Variants in DOCK8 observed in about 807,000 individuals in gnomAD.
DOCK8 encodes dedicator of cytokinesis protein 8.
A neutral mutation model predicts 245.6 loss-of-function variants in DOCK8; 141 were observed. The observed-to-expected ratio is 0.57, with a 90% CI of 0.50 to 0.66. The LOEUF is 0.66. DOCK8 is among the 30% of genes least tolerant of loss of function. DOCK8 has a pLI of 0.00. For missense variants in DOCK8, 2,965 were observed against 2,603.4 expected, an observed-to-expected ratio of 1.14 and a Z score of -3.02; for synonymous variants, 1,168 against 970.2, an observed-to-expected ratio of 1.20 and a Z score of -3.79.
chr9:393,939 C>A (rs1313223616), intron 24 of DOCK8, among the ~76,000 whole-genome samples: 2 of 152,164 alleles, frequency 1.3e-5, no homozygotes, highest in African/African-American at 4.8e-5. Context: ...TGGCAGAAGC[C>A]TTTCTCTATG....
intron 35 of DOCK8, 53 bp downstream of exon 35, chr9:428,549 C>A: frequency 6.2e-7 from 1 of 1,605,800 alleles, no homozygotes; most frequent in South Asian, 1.1e-5. Flanking sequence ...AGATTCTCAT[C>A]TAGCTTCATA....
intron 6 of DOCK8, among the ~76,000 whole-genome samples, chr9:315,835 A>G (rs145700488): frequency 1.3e-5 from 2 of 152,248 alleles, no homozygotes; most frequent in South Asian, 2.1e-4. Flanking sequence ...AATCTAGACC[A>G]AAGGCAGTCC....
At chr9:227,897 C>T (rs549375452) in intron 1 of DOCK8, among the ~76,000 whole-genome samples, 2 of 151,962 alleles carry the variant, frequency 1.3e-5, no homozygotes, top group African/African-American at 2.4e-5. Flanking sequence ...CATGGCAGAC[C>T]GTTGTAGTAT....
In DOCK8 at chr9:379,856, T is replaced by G; in HGVS notation, c.2526T>G (p.His842Gln). The part of the protein sequence containing the change: ...HNSKDLSKDQ[H>Q]GRNCLLASYV... ...GCAAGGACCTGAGCAAGGACCAGCA[T>G]GGGAGGAACTGCCTGCTGGCTTCCT... The change falls in exon 21 of 48, where the codon CAT becomes CAG. Residue 842 changes from histidine to glutamine, a missense_variant. By Grantham distance (24) the His-to-Gln change is conservative (BLOSUM62 0). Coordinates refer to ENST00000432829, the MANE Select transcript of DOCK8 (RefSeq NM_203447.4). 1 of 1,614,232 alleles carries G rather than the reference T, an allele frequency of 6.2e-7. No individual in the cohort carries two copies. The highest frequency in any genetic ancestry group is 8.5e-7 in the Non-Finnish European group (1 of 1,180,036).
At chr9:436,443 C>G (rs2056905267) in intron 39 of DOCK8, among the ~76,000 whole-genome samples, 1 of 152,180 alleles carries the variant, frequency 6.6e-6, no homozygotes, top group Non-Finnish European at 1.5e-5. Context: ...TAGTACTACT[C>G]TTTCAATTCC....
intron 12 of DOCK8, among the ~76,000 whole-genome samples, chr9:337,451 A>G (rs1302189146): frequency 2.6e-5 from 4 of 151,962 alleles, no homozygotes; most frequent in African/African-American, 7.3e-5. Flanking sequence ...ATCTTGGCCA[A>G]TCCATTCATT....
At chr9:273,130 TTTCAGAAGGATAATTTGTGTG>T (rs2129967629) in intron 2 of DOCK8, 1 of 941,942 alleles carries the variant, frequency 1.1e-6, no homozygotes, top group Admixed American at 1.0e-4. Context: ...TTTCTGGTTA[TTTCAGAAGGATAATTTGTGTG>T]TTGCGTCATT....
At chr9:405,105 A>T (rs1006869740) in intron 27 of DOCK8, 32 bp downstream of exon 27, 2 of 1,589,282 alleles carry the variant, frequency 1.3e-6, no homozygotes, top group Non-Finnish European at 1.7e-6. Context: ...TAAAAGAATT[A>T]TTCAAGCTAT....
chr9:323,175 G>C (rs1403927153), intron 7 of DOCK8, among the ~76,000 whole-genome samples: 1 of 148,976 alleles, frequency 6.7e-6, no homozygotes, highest in Non-Finnish European at 1.5e-5. Flanking sequence ...CCTCAACACT[G>C]GGCTTTTCGG....
chr9:431,922 T>G (rs770816230), intron 36 of DOCK8, among the ~76,000 whole-genome samples: 3 of 152,196 alleles, frequency 2.0e-5, no homozygotes, highest in Admixed American at 1.3e-4. Context: ...AGCCCAGTCC[T>G]CAATGAAAAT....
At chr9:323,853 C>T (rs1290098781) in intron 7 of DOCK8, among the ~76,000 whole-genome samples, 1 of 152,168 alleles carries the variant, frequency 6.6e-6, no homozygotes, top group Non-Finnish European at 1.5e-5. Context: ...CCTTTTATGG[C>T]TAAATAATAT....
chr9:457,010 GC>G (rs2131930122), intron 46 of DOCK8: 1 of 152,294 alleles, frequency 6.6e-6, no homozygotes, highest in African/African-American at 2.4e-5. Context: ...CAGAAAACAG[GC>G]TGTTGAGTGG....
chr9:336,135 G>C (rs993982571), intron 11 of DOCK8, among the ~76,000 whole-genome samples: 4 of 152,208 alleles, frequency 2.6e-5, no homozygotes, highest in Non-Finnish European at 4.4e-5. Flanking sequence ...GGGATTCAGA[G>C]TGTACACAGG....
At chr9:224,188 A>T (rs1012713919) in intron 1 of DOCK8, among the ~76,000 whole-genome samples, 7 of 152,210 alleles carry the variant, frequency 4.6e-5, no homozygotes, top group African/African-American at 1.7e-4. Flanking sequence ...GTTCATTCTG[A>T]CAGTGTTTTT....
intron 6 of DOCK8, among the ~76,000 whole-genome samples, chr9:314,725 AG>A (rs1353777682): frequency 6.6e-6 from 1 of 152,216 alleles, no homozygotes; most frequent in Admixed American, 6.5e-5. Context: ...CTTTCTCCAA[AG>A]AAAGTTCTAT....
intron 27 of DOCK8, 36 bp from the exon 28 acceptor site, chr9:406,894 T>C: frequency 6.2e-7 from 1 of 1,613,994 alleles, no homozygotes; most frequent in Non-Finnish European, 8.5e-7. Flanking sequence ...ATTCCAGTTC[T>C]TGTGGCTCAT....
At chr9:267,665 C>T (rs1334395035) in intron 1 of DOCK8, among the ~76,000 whole-genome samples, 2 of 152,166 alleles carry the variant, frequency 1.3e-5, no homozygotes, top group East Asian at 3.8e-4. Context: ...TATTTAGTTG[C>T]TCATACTATT....
chr9:256,165 G>A (rs903094019), intron 1 of DOCK8, among the ~76,000 whole-genome samples: 3 of 152,182 alleles, frequency 2.0e-5, no homozygotes, highest in African/African-American at 4.8e-5. Context: ...GGGAAATAGT[G>A]GATAGATCAC....
intron 29 of DOCK8, among the ~76,000 whole-genome samples, chr9:416,477 C>A (rs552162143): frequency 6.6e-6 from 1 of 152,322 alleles, no homozygotes; most frequent in South Asian, 2.1e-4. Flanking sequence ...GTCTCCAAGC[C>A]TTTTAAACCT....
Sources: allele counts gnomAD v4.1 joint callset (sites outside exome capture counted in the v4.1 genomes callset), GRCh38; gene constraint gnomAD v4.1.1; transcripts MANE v1.5; gene names NCBI Gene and HGNC (gene_info 2026-07-23, HGNC 2026-07-21).